Variants in KTN1 observed in about 807,000 individuals in gnomAD.
The protein encoded by KTN1 is kinectin 1.
Under a neutral mutation model 222.5 loss-of-function variants are expected in KTN1, and 130 were observed. The ratio of observed to expected loss-of-function variants is 0.58; its 90% confidence interval spans 0.51 to 0.68. The LOEUF (loss-of-function observed/expected upper bound fraction) is 0.68, where lower values mean the gene tolerates loss of function less well. Ranked by LOEUF, KTN1 falls within the 30% of genes least tolerant of loss-of-function variation. The pLI is 0.00. For missense variants in KTN1, 1,508 were observed against 1,500.4 expected (o/e 1.01, Z -0.08); for synonymous variants, 512 against 496.3 (o/e 1.03, Z -0.42).
At chr14:55,630,166 C>G in intron 7 of KTN1, 69 bp downstream of exon 7, 1 of 1,356,724 alleles carries the variant, frequency 7.4e-7, no homozygotes, top group East Asian at 2.3e-5. Flanking sequence ...TTTTAAGTGG[C>G]TAGTATGTAC....
chr14:55,617,806 G>A (rs1279453822), intron 3 of KTN1, among the ~76,000 whole-genome samples, 158 bp from the exon 4 acceptor site: 1 of 152,128 alleles, frequency 6.6e-6, no homozygotes, highest in Non-Finnish European at 1.5e-5. Flanking sequence ...TAGAATGAGT[G>A]TTTTGACTTG....
chr14:55,646,367 A>G (rs1005611096), intron 18 of KTN1, among the ~76,000 whole-genome samples: 9 of 151,552 alleles, frequency 5.9e-5, no homozygotes, highest in African/African-American at 2.2e-4. Context: ...AAAAAAAATC[A>G]ATTAAAAGAG....
chr14:55,673,554 AGAAAT>A (rs2045633643), intron 40 of KTN1: 1 of 209,310 alleles, frequency 4.8e-6, no homozygotes, highest in African/African-American at 2.3e-5. Context: ...CTGTGAATAA[AGAAAT>A]GAAATAAAGA....
chr14:55,652,087 C>CT (rs1324711679), intron 25 of KTN1, among the ~76,000 whole-genome samples, 160 bp downstream of exon 25: 2 of 152,218 alleles, frequency 1.3e-5, no homozygotes, highest in Admixed American at 6.5e-5. Flanking sequence ...TCTTATTTGG[C>CT]TTTAACCTAT....
Position 55,633,207 on chromosome 14 carries a change from A to C in KTN1, c.1222-28A>C, listed in dbSNP as rs184776047. 3 of 1,337,002 alleles carry C rather than the reference A, an allele frequency of 2.2e-6. No homozygotes were observed. In the African/African-American group the frequency reaches 4.5e-5, roughly 20 times the overall value. The allele number at this position is 1,337,002 out of a possible 1,614,324, so 82.8% of individuals were successfully genotyped here. ...TTAGCTTTGACAGTCTTTGTTTTCT[A>C]AGTTTTATGTGTGTAAAATAATTTT... On this transcript the variant is annotated intron_variant, in intron 7 of 43. Transcript: ENST00000395314.
In KTN1 at chr14:55,672,468, T is replaced by A. The variant is rs552646335; in HGVS notation, c.3532-162T>A. The A allele has an allele frequency of 3.6e-4, 195 of 538,476 alleles. 2 individuals carry two copies. The South Asian group carries it at 5.0e-3, about 14-fold the overall frequency. The allele number at this position is 538,476 out of a possible 1,614,324, so 33.4% of individuals were successfully genotyped here. On this transcript the variant is annotated intron_variant, in intron 37 of 43. Coordinates refer to ENST00000395314, the MANE Select transcript of KTN1 (RefSeq NM_001079521.2). ...GGTTTGGACCACAATTTAAATCAAG[T>A]TCAATGTGACTCATTTTTAAGGTCT...
chr14:55,680,667 G>A (rs767901123), intron 43 of KTN1: 1 of 1,357,076 alleles, frequency 7.4e-7, no homozygotes, highest in South Asian at 1.1e-5. Flanking sequence ...TCTTACAGGA[G>A]CGTTTTGTCT....
chr14:55,636,626 C>T, intron 10 of KTN1, 90 bp downstream of exon 10: 1 of 886,866 alleles, frequency 1.1e-6, no homozygotes, highest in Non-Finnish European at 1.8e-6. Flanking sequence ...TATAATTTGG[C>T]ATTTTGGTTA....
chr14:55,674,857 A>G (rs2045761309), intron 40 of KTN1: 1 of 151,972 alleles, frequency 6.6e-6, no homozygotes, highest in East Asian at 1.9e-4. Flanking sequence ...ACTTTTTATG[A>G]TAAAATAGCT....
chr14:55,612,141 A>G lies in KTN1; in HGVS notation c.93A>G (p.Glu31=). ...TCTTCTTCTGGCTTTTCATGAAAGAAACATTATATGATGAAGTTCTTGCAA... is the reference window on the plus strand; with the variant it reads ...TCTTCTTCTGGCTTTTCATGAAAGAGACATTATATGATGAAGTTCTTGCAA... ...IFLFFWLFMK[E]TLYDEVLAKQ... The change falls in exon 2 of 44, where the codon GAA becomes GAG. Residue 31 remains glutamate, a synonymous_variant. Coordinates refer to ENST00000395314, the MANE Select transcript of KTN1 (RefSeq NM_001079521.2). 6.4e-7 allele frequency: 1 copy of G among 1,574,692 alleles called. No individual in the cohort carries two copies. The highest frequency in any genetic ancestry group is 1.7e-4 in the Middle Eastern group (1 of 5,862).
At chr14:55,619,637 G>C (rs1050952345) in intron 5 of KTN1, among the ~76,000 whole-genome samples, 1 of 152,088 alleles carries the variant, frequency 6.6e-6, no homozygotes, top group African/African-American at 2.4e-5. Flanking sequence ...AGAATCAAGC[G>C]AAAGGGGTTT....
At chr14:55,665,575 C>T (rs920644458) in intron 33 of KTN1, among the ~76,000 whole-genome samples, 2 of 151,938 alleles carry the variant, frequency 1.3e-5, no homozygotes, top group Admixed American at 6.6e-5. Context: ...CTATGTGAAA[C>T]ACTTTTAGTA....
In KTN1 at chr14:55,658,526, T is replaced by C. The variant is rs772496004; in HGVS notation, c.2893-20T>C. ...GAAAAAATCTGTTTAGATACTGATG[T>C]TTAATTTTTATTTAATTAGGATGTA... On this transcript the variant is annotated intron_variant, in intron 29 of 43. Transcript: ENST00000395314. The C allele has an allele frequency of 4.9e-6, 7 of 1,424,138 alleles. No individual in the cohort carries two copies. The highest frequency in any genetic ancestry group is 1.4e-5 in the African/African-American group (1 of 71,022). 88.2% of individuals were successfully genotyped at this position (1,424,138 alleles called of 1,614,324 possible). A position where few individuals can be genotyped will look rare whatever the true frequency, so the allele number is the denominator to read the frequency against.
At chr14:55,651,499 AGTTAAT>A in intron 24 of KTN1, 2 of 386,146 alleles carry the variant, frequency 5.2e-6, no homozygotes, top group South Asian at 4.0e-5. Context: ...GTGTGTGGAG[AGTTAAT>A]ATTCTAATTT....
At chr14:55,679,477 A>G (rs1164687777) in intron 42 of KTN1, 88 bp from the exon 43 acceptor site, 8 of 1,071,226 alleles carry the variant, frequency 7.5e-6, no homozygotes. Flanking sequence ...TTTGTGTTTA[A>G]ATCAGCAATA....
chr14:55,614,396 A>G (rs2038046657), intron 2 of KTN1, among the ~76,000 whole-genome samples: 1 of 152,190 alleles, frequency 6.6e-6, no homozygotes, highest in African/African-American at 2.4e-5. Context: ...GAAGTATGCA[A>G]AGTAAGAATG....
chr14:55,612,213 G>T lies in KTN1; in HGVS notation c.165G>T (p.Lys55Asn). The change falls in exon 2 of 44, where the codon AAG becomes AAT. Residue 55 changes from lysine (K) to asparagine (N), a missense_variant. Coordinates refer to ENST00000395314, the MANE Select transcript of KTN1 (RefSeq NM_001079521.2). ...TTATTCCTACCAAAACAGATAAAAA[G>T]AAAGCAGAAAAGAAAAAGAATAAAA... is the stretch of plus-strand genomic sequence containing the variant. ...QKLIPTKTDK[K>N]KAEKKKNKKK... 1.3e-6 allele frequency: 2 copies of T among 1,585,712 alleles called. No homozygotes were observed. The highest frequency in any genetic ancestry group is 1.7e-6 in the Non-Finnish European group (2 of 1,172,764).
chr14:55,659,681 C>A lies in KTN1; in HGVS notation c.2977C>A (p.Pro993Thr). 2 of 1,502,894 alleles carry A rather than the reference C, an allele frequency of 1.3e-6. No homozygotes were observed. Among genetic ancestry groups the A allele is most frequent in the South Asian group, 1.1e-5 (1 of 88,366 alleles). 93.1% of individuals were successfully genotyped at this position (1,502,894 alleles called of 1,614,324 possible). Residue 993 changes from proline to threonine, a missense_variant, in exon 31 of 44, where the codon CCT becomes ACT. Physicochemically the swap from Pro to Thr is conservative, Grantham distance 38 (BLOSUM62 -1). Transcript: ENST00000395314. ...CTTTTGATAGGCATCTTCTTTTCCC[C>A]CTCATGAAGAATTATTAAAAGTGTA... ...QNYQQASSFP[P>T]HEELLKVISE... is the part of the protein sequence containing the mutation.
rs748758761 is a variant in KTN1, at chr14:55,650,373, G to A, written c.2451G>A (p.Leu817=). The A allele has an allele frequency of 6.2e-7, 1 of 1,611,324 alleles. No homozygotes were observed. Among genetic ancestry groups the A allele is most frequent in the Non-Finnish European group, 8.5e-7 (1 of 1,178,930 alleles). Reference sequence around the variant, plus strand: ...AGATCAAGTCTGTAGAAGAGCTTCTGGAGGCAGAACTTCTCAAAGTTGCTA... The same window carrying A: ...AGATCAAGTCTGTAGAAGAGCTTCTAGAGGCAGAACTTCTCAAAGTTGCTA... ...DGKIKSVEEL[L]EAELLKVANK... The change falls in exon 23 of 44, where the codon CTG becomes CTA. Residue 817 remains leucine, a synonymous_variant. Coordinates refer to ENST00000395314, the MANE Select transcript of KTN1 (RefSeq NM_001079521.2).
Sources: gnomAD v4.1 joint callset for allele counts (sites outside exome capture counted in the v4.1 genomes callset) on GRCh38, gnomAD v4.1.1 for gene constraint, MANE v1.5 for transcripts, NCBI Gene and HGNC (gene_info 2026-07-23, HGNC 2026-07-21) for gene names.